The following SYCP1 variants were observed in gnomAD, a reference collection of about 807,000 sequenced individuals.
SYCP1 encodes the protein synaptonemal complex protein 1, also known as cancer/testis antigen 8.
In SYCP1, 64 loss-of-function variants were observed where a neutral mutation model predicts 153.1. The observed-to-expected ratio is 0.42, with a 90% CI of 0.34 to 0.51. The LOEUF (loss-of-function observed/expected upper bound fraction) is 0.51, where lower values mean the gene tolerates loss of function less well. Ranked by LOEUF, SYCP1 falls within the 20% of genes least tolerant of loss-of-function variation. The pLI is 0.06. For missense variants in SYCP1, 997 were observed against 1,049.0 expected, an observed-to-expected ratio of 0.95 and a Z score of 0.68; for synonymous variants, 384 against 341.8, an observed-to-expected ratio of 1.12 and a Z score of -1.36.
chr1:114,876,227 C>T, intron 10 of SYCP1, 89 bp downstream of exon 10: 1 of 792,678 alleles, frequency 1.3e-6, no homozygotes. Flanking sequence ...ATCTCTTTAG[C>T]CTGATGCTCT....
intron 10 of SYCP1, among the ~76,000 whole-genome samples, chr1:114,876,510 A>G (rs1479754757): frequency 1.3e-5 from 2 of 151,610 alleles, no homozygotes; most frequent in Non-Finnish European, 1.5e-5. Context: ...AAAGTTTTAT[A>G]TATAAGAATT....
intron 20 of SYCP1, among the ~76,000 whole-genome samples, chr1:114,916,010 A>C (rs1417915075): frequency 6.6e-6 from 1 of 152,168 alleles, no homozygotes; most frequent in Admixed American, 6.5e-5. Context: ...ACAGAATGGC[A>C]GGAACCATGT....
chr1:114,970,508 ATTG>A (rs778673812), intron 27 of SYCP1, among the ~76,000 whole-genome samples: 3 of 148,668 alleles, frequency 2.0e-5, no homozygotes, highest in Non-Finnish European at 4.5e-5. Flanking sequence ...TATTACCAGA[ATTG>A]TTTTTTTTTT....
chr1:114,950,131 A>G (rs894924404), intron 27 of SYCP1, among the ~76,000 whole-genome samples: 19 of 152,176 alleles, frequency 1.2e-4, no homozygotes, highest in Admixed American at 7.2e-4. Context: ...GTTTTGCCCA[A>G]TGGAATGTGA....
rs189165495 is a variant in SYCP1, at chr1:114,856,506, A to G, written c.109-67A>G. ...AAGCAGATGTATATTACATATGTAT[A>G]TATTACACTATTAGTATATCAGAGT... On this transcript the variant is annotated intron_variant, in intron 2 of 31. Transcript: ENST00000369522. 114 of 1,067,762 alleles carry G rather than the reference A, an allele frequency of 1.1e-4. 1 individual carries two copies. The Admixed American group carries it at 2.5e-3, about 24-fold the overall frequency. 66.1% of individuals were successfully genotyped at this position (1,067,762 alleles called of 1,614,324 possible).
chr1:114,968,120 T>C (rs941379550), intron 27 of SYCP1, among the ~76,000 whole-genome samples: 1 of 152,226 alleles, frequency 6.6e-6, no homozygotes. Context: ...ATTTTTTCCT[T>C]CATTTCAACC....
At chr1:114,943,446 C>T (rs1670511054) in intron 23 of SYCP1, among the ~76,000 whole-genome samples, 1 of 151,722 alleles carries the variant, frequency 6.6e-6, no homozygotes, top group Non-Finnish European at 1.5e-5. Flanking sequence ...CACATAAATA[C>T]CTCAAACATA....
chr1:114,939,008 A>C (rs371718841), intron 23 of SYCP1, among the ~76,000 whole-genome samples: 267 of 152,260 alleles, frequency 1.8e-3, no homozygotes, highest in African/African-American at 5.9e-3. Context: ...GTGGTTCCCC[A>C]AAAAAATAAA....
chr1:114,900,551 G>A (rs1389981442), intron 16 of SYCP1, among the ~76,000 whole-genome samples: 1 of 152,330 alleles, frequency 6.6e-6, no homozygotes, highest in East Asian at 1.9e-4. Flanking sequence ...GAAGTGCTGG[G>A]ATTACAGGCA....
At chr1:114,944,814 CTTGT>C (rs1206788956) in intron 24 of SYCP1, 54 bp from the exon 25 acceptor site, 5 of 1,217,146 alleles carry the variant, frequency 4.1e-6, no homozygotes, top group Admixed American at 2.6e-5. Context: ...ACTTTTTACA[CTTGT>C]TTGTTTTTTG....
At chr1:114,912,796 T>C (rs183890416) in intron 18 of SYCP1, among the ~76,000 whole-genome samples, 1 of 151,972 alleles carries the variant, frequency 6.6e-6, no homozygotes, top group African/African-American at 2.4e-5. Context: ...AGGAAATATA[T>C]TGTATGACAT....
chr1:114,933,756 T>G (rs1016369593), intron 23 of SYCP1, among the ~76,000 whole-genome samples: 1 of 152,098 alleles, frequency 6.6e-6, no homozygotes, highest in Admixed American at 6.5e-5. Flanking sequence ...ATGTGATGCA[T>G]GCATGCACAA....
At chr1:114,910,034 G>A (rs41274136) in intron 16 of SYCP1, 7,397 of 154,294 alleles carry the variant, frequency 0.048, 222 homozygotes, top group African/African-American at 0.064. Flanking sequence ...TAGTTTTTAT[G>A]GTTAATAATA....
chr1:114,969,703 ACCT>A (rs2101908934), intron 27 of SYCP1, among the ~76,000 whole-genome samples: 1 of 152,056 alleles, frequency 6.6e-6, no homozygotes, highest in Non-Finnish European at 1.5e-5. Context: ...AAAAACAAAC[ACCT>A]TCAGCTAGCT....
chr1:114,977,048 T>A (rs1447297632), intron 27 of SYCP1, among the ~76,000 whole-genome samples: 1 of 151,844 alleles, frequency 6.6e-6, no homozygotes, highest in Non-Finnish European at 1.5e-5. Context: ...TTCTATCTAA[T>A]GATATTAGCA....
intron 10 of SYCP1, 21 bp from the exon 11 acceptor site, chr1:114,876,716 A>G (rs936249420): frequency 2.5e-6 from 3 of 1,202,660 alleles, no homozygotes; most frequent in Admixed American, 3.5e-5. Context: ...ACATTACAGT[A>G]TATTTGTTTT....
chr1:114,856,646 A>G lies in SYCP1; in HGVS notation c.182A>G (p.Asn61Ser). Residue 61 changes from asparagine to serine, a missense_variant, in exon 3 of 32, where the codon AAC becomes AGC. Physicochemically the swap from Asn to Ser is conservative, Grantham distance 46. This residue lies in a region of SYCP1 where 285 missense variants were observed against 366.1 expected (regional missense o/e 0.78). Transcript: ENST00000369522. ...ACTAATCTCTCCAAAAATGGGGAAA[A>G]CATTGATTCAGGTAGGAGCATGGAA... ...AKTNLSKNGE[N>S]IDSDPALQKV... 1.9e-6 allele frequency: 3 copies of G among 1,611,506 alleles called. No individual in the cohort carries two copies. Among genetic ancestry groups the G allele is most frequent in the Non-Finnish European group, 1.7e-6 (2 of 1,178,808 alleles).
intron 27 of SYCP1, among the ~76,000 whole-genome samples, chr1:114,977,337 T>C (rs920018006): frequency 2.0e-5 from 3 of 151,932 alleles, no homozygotes; most frequent in African/African-American, 7.2e-5. Context: ...TCCACAGATA[T>C]ACACTAGAGA....
intron 30 of SYCP1, among the ~76,000 whole-genome samples, chr1:114,991,603 T>G (rs1673926282): frequency 6.6e-6 from 1 of 151,732 alleles, no homozygotes; most frequent in East Asian, 1.9e-4. Context: ...AAATCCAACA[T>G]GCTTCATGGT....
Sources: gnomAD v4.1 joint callset for allele counts (sites outside exome capture counted in the v4.1 genomes callset) on GRCh38, gnomAD v4.1.1 for gene constraint, gnomAD v4.1.1 regional missense constraint, MANE v1.5 for transcripts, NCBI Gene and HGNC (gene_info 2026-07-23, HGNC 2026-07-21) for gene names.